The following NR3C2 variants were observed in gnomAD, a reference collection of about 807,000 sequenced individuals.
NR3C2 encodes the protein mineralocorticoid receptor.
In NR3C2, 15 loss-of-function variants were observed where a neutral mutation model predicts 86.4. That is an observed-to-expected ratio of 0.17 (90% CI 0.12 to 0.27). NR3C2 has a LOEUF of 0.27. NR3C2 is among the 10% of genes least tolerant of loss of function. The pLI, the probability that NR3C2 is intolerant of heterozygous loss-of-function variation, is 1.00. For synonymous variants in NR3C2, 458 were observed against 450.5 expected, an observed-to-expected ratio of 1.02 and a Z score of -0.21; for missense variants, 960 against 1,195.6, an observed-to-expected ratio of 0.80 and a Z score of 2.91.
chr4:148,326,637 C>G (rs1405937767), intron 2 of NR3C2, among the ~76,000 whole-genome samples: 1 of 151,868 alleles, frequency 6.6e-6, no homozygotes. Context: ...AAGTCCAACT[C>G]TTCAAGTTTT....
At chr4:148,270,436 C>T (rs553259912) in intron 2 of NR3C2, among the ~76,000 whole-genome samples, 7 of 152,074 alleles carry the variant, frequency 4.6e-5, no homozygotes, top group African/African-American at 1.4e-4. Context: ...CATGAGAACA[C>T]ATTTACAGAA....
In NR3C2 at chr4:148,138,085, T is replaced by C. The variant is rs147894451; in HGVS notation, c.2510+14384A>G. ...AAAGCTCGTTAGGATTCTCAATGCTTTGAGAGCGTAAAGGGTCCTGAGAAC... is the reference window on the plus strand; with the variant it reads ...AAAGCTCGTTAGGATTCTCAATGCTCTGAGAGCGTAAAGGGTCCTGAGAAC... On this transcript the variant is annotated intron_variant, in intron 6 of 8. Transcript: ENST00000358102. Among the ~76,000 whole-genome samples, 395 of 152,316 alleles carry C rather than the reference T, an allele frequency of 2.6e-3. 1 individual carries two copies. Among genetic ancestry groups the C allele is most frequent in the African/African-American group, 8.8e-3 (367 of 41,564 alleles).
intron 2 of NR3C2, among the ~76,000 whole-genome samples, chr4:148,330,306 C>A (rs929111683): frequency 2.0e-5 from 3 of 152,148 alleles, no homozygotes; most frequent in Non-Finnish European, 4.4e-5. Flanking sequence ...ATTGACGACG[C>A]CTCTGGCCCA....
intron 2 of NR3C2, among the ~76,000 whole-genome samples, chr4:148,431,015 A>G (rs1483104781): frequency 6.6e-6 from 1 of 152,204 alleles, no homozygotes; most frequent in Non-Finnish European, 1.5e-5. Context: ...GTCTAAGTCA[A>G]TGTTAGCCCT....
At chr4:148,372,033 T>C (rs1746447536) in intron 2 of NR3C2, among the ~76,000 whole-genome samples, 1 of 152,144 alleles carries the variant, frequency 6.6e-6, no homozygotes, top group South Asian at 2.1e-4. Context: ...GATAAACTAT[T>C]GCTCATGTAT....
intron 4 of NR3C2, among the ~76,000 whole-genome samples, chr4:148,184,676 C>A (rs926540704): frequency 6.6e-5 from 10 of 152,034 alleles, no homozygotes; most frequent in African/African-American, 2.2e-4. Context: ...TTAAAAAAAT[C>A]AACTGATGGA....
At chr4:148,120,489 G>A (rs575454753) in intron 6 of NR3C2, among the ~76,000 whole-genome samples, 7 of 152,172 alleles carry the variant, frequency 4.6e-5, no homozygotes, top group Non-Finnish European at 1.0e-4. Flanking sequence ...CTGCTGGGCC[G>A]TTTACTTGTA....
intron 2 of NR3C2, among the ~76,000 whole-genome samples, chr4:148,428,478 T>C (rs1304049536): frequency 6.6e-6 from 1 of 152,150 alleles, no homozygotes. Flanking sequence ...CTGAACTGGA[T>C]CCTTTTGCTA....
At chr4:148,349,831 T>A (rs969356541) in intron 2 of NR3C2, among the ~76,000 whole-genome samples, 13 of 152,188 alleles carry the variant, frequency 8.5e-5, no homozygotes, top group African/African-American at 3.1e-4. Flanking sequence ...GAAAGGTTTA[T>A]GGTCTATATT....
chr4:148,240,735 T>C (rs1560995445), intron 3 of NR3C2, among the ~76,000 whole-genome samples: 1 of 152,164 alleles, frequency 6.6e-6, no homozygotes, highest in South Asian at 2.1e-4. Flanking sequence ...ACTTTTTCCA[T>C]CCACTCCTAT....
chr4:148,084,287 A>G (rs989691541), intron 8 of NR3C2, among the ~76,000 whole-genome samples: 5 of 152,252 alleles, frequency 3.3e-5, no homozygotes, highest in Admixed American at 6.5e-5. Context: ...GGTTACCCAC[A>G]AAGTGGGAAG....
At chr4:148,164,984 T>C (rs1734818147) in intron 4 of NR3C2, among the ~76,000 whole-genome samples, 1 of 152,116 alleles carries the variant, frequency 6.6e-6, no homozygotes, top group South Asian at 2.1e-4. Context: ...CTCCTCAAAC[T>C]GTCAAGTCAA....
chr4:148,147,833 G>A (rs1409811224), intron 6 of NR3C2, among the ~76,000 whole-genome samples: 2 of 152,170 alleles, frequency 1.3e-5, no homozygotes, highest in African/African-American at 4.8e-5. Flanking sequence ...AATGTGTAAG[G>A]CATTGGCAGG....
intron 1 of NR3C2, among the ~76,000 whole-genome samples, chr4:148,441,640 A>C (rs1263628254): frequency 6.6e-6 from 1 of 152,114 alleles, no homozygotes; most frequent in East Asian, 1.9e-4. Context: ...TAAAATTCCA[A>C]CTGATGCCAT....
chr4:148,349,809 A>G (rs1302252052), intron 2 of NR3C2, among the ~76,000 whole-genome samples: 1 of 152,170 alleles, frequency 6.6e-6, no homozygotes, highest in African/African-American at 2.4e-5. Context: ...GAGTCTCCAG[A>G]AAAGTGTAAA....
intron 7 of NR3C2, among the ~76,000 whole-genome samples, chr4:148,118,865 T>C (rs1011926375): frequency 4.6e-5 from 7 of 152,164 alleles, no homozygotes. Context: ...TGGACTCCAC[T>C]TGCTCCTGTC....
At chr4:148,417,054 G>C (rs907947448) in intron 2 of NR3C2, among the ~76,000 whole-genome samples, 1 of 152,160 alleles carries the variant, frequency 6.6e-6, no homozygotes, top group Admixed American at 6.5e-5. Context: ...TGGGATTACA[G>C]GCGTGAGCCA....
At chr4:148,345,503 C>G (rs1014565651) in intron 2 of NR3C2, among the ~76,000 whole-genome samples, 1 of 151,906 alleles carries the variant, frequency 6.6e-6, no homozygotes, top group Non-Finnish European at 1.5e-5. Context: ...CAACCTCTAT[C>G]TTATGGATTT....
chr4:148,192,209 T>C lies in NR3C2; in HGVS notation c.2014+2537A>G, dbSNP rs189727987. 5.9e-5 allele frequency among the ~76,000 whole-genome samples: 9 copies of C among 152,346 alleles called. No homozygotes were observed. The East Asian group carries it at 1.7e-3, about 29-fold the overall frequency. The stretch of plus-strand genomic sequence containing the variant: ...TGATGAACTACTCTCCCTCTTTTCC[T>C]ATGGATGTGGTTTCCTGTGAGCCAA... On this transcript the variant is annotated intron_variant, in intron 4 of 8. Transcript: ENST00000358102.
Sources: gnomAD v4.1 joint callset for allele counts (sites outside exome capture counted in the v4.1 genomes callset) on GRCh38, gnomAD v4.1.1 for gene constraint, MANE v1.5 for transcripts, NCBI Gene and HGNC (gene_info 2026-07-23, HGNC 2026-07-21) for gene names.